MTTP: variants seen among roughly 807,000 people sequenced by gnomAD.
The protein encoded by MTTP is microsomal triglyceride transfer protein, also known as microsomal triglyceride transfer protein large subunit.
MTTP carries 49 observed loss-of-function variants against 90.6 expected under a neutral mutation model. The observed-to-expected ratio is 0.54, with a 90% confidence interval of 0.43 to 0.69. MTTP has a LOEUF of 0.69. Among genes scored for constraint, MTTP ranks in the 30% least tolerant of loss-of-function variants. The pLI is 0.00. For missense variants in MTTP, 945 were observed against 1,067.5 expected, an observed-to-expected ratio of 0.89 and a Z score of 1.60; for synonymous variants, 347 against 384.2, an observed-to-expected ratio of 0.90 and a Z score of 1.13.
At chr4:99,569,786 C>T (rs2866164) in intron 1 of MTTP, among the ~76,000 whole-genome samples, 1 of 151,800 alleles carries the variant, frequency 6.6e-6, no homozygotes, top group South Asian at 2.1e-4. Flanking sequence ...CTGCTGTTTA[C>T]CAGACTGCTT....
chr4:99,578,435 A>G (rs1725020388), intron 1 of MTTP, among the ~76,000 whole-genome samples: 1 of 152,230 alleles, frequency 6.6e-6, no homozygotes. Context: ...ATAAACAGAG[A>G]AATACTTATC....
chr4:99,607,034 A>T, intron 11 of MTTP, 74 bp downstream of exon 11: 1 of 1,297,570 alleles, frequency 7.7e-7, no homozygotes, highest in Non-Finnish European at 1.1e-6. Flanking sequence ...GTCAAATGCA[A>T]ATTCCGCTCA....
intron 3 of MTTP, among the ~76,000 whole-genome samples, chr4:99,588,782 TAC>T (rs1202928322): frequency 8.2e-5 from 4 of 48,732 alleles, no homozygotes; most frequent in African/African-American, 1.4e-4. Context: ...TTCATATATA[TAC>T]ACACATATAT....
intron 15 of MTTP, among the ~76,000 whole-genome samples, chr4:99,614,717 A>G (rs563326769): frequency 6.6e-6 from 1 of 152,336 alleles, no homozygotes; most frequent in Admixed American, 6.5e-5. Context: ...CCAAGATGGA[A>G]GAAGGGAAGG....
chr4:99,597,666 G>A (rs906477362), intron 8 of MTTP, among the ~76,000 whole-genome samples: 5 of 152,162 alleles, frequency 3.3e-5, no homozygotes, highest in African/African-American at 7.2e-5. Context: ...TCACTAAACA[G>A]CCAGTTGAAA....
intron 10 of MTTP, among the ~76,000 whole-genome samples, chr4:99,605,626 A>G (rs989875901): frequency 3.9e-5 from 6 of 152,120 alleles, no homozygotes; most frequent in African/African-American, 1.4e-4. Flanking sequence ...TTTTTCTCAC[A>G]TTATCTTCCA....
At chr4:99,570,656 A>G (rs1026422397), upstream of MTTP, 1 of 455,064 alleles carries the variant, frequency 2.2e-6, no homozygotes, top group Non-Finnish European at 4.4e-6. Context: ...TAAAGTTACC[A>G]ATCCACAGAC....
intron 12 of MTTP, among the ~76,000 whole-genome samples, chr4:99,610,238 T>C (rs1329666128): frequency 6.6e-6 from 1 of 152,184 alleles, no homozygotes; most frequent in Admixed American, 6.5e-5. Context: ...ATTATGTCTT[T>C]GTATAATCTG....
chr4:99,586,156 A>G (rs1725253774), intron 3 of MTTP, among the ~76,000 whole-genome samples: 1 of 152,090 alleles, frequency 6.6e-6, no homozygotes, highest in African/African-American at 2.4e-5. Flanking sequence ...TTACATTTTA[A>G]AAGAGAGTCC....
At position 99,574,941 on chromosome 4, in the gene MTTP, T is replaced by G; in HGVS notation, c.32T>G (p.Phe11Cys). MILLAVLFLC[F>C]ISSYSASVKG... Reference sequence around the variant, plus strand: ...CTTCTTGCTGTGCTTTTTCTCTGCTTCATTTCCTCATATTCAGCTTCTGTT... The same window carrying G: ...CTTCTTGCTGTGCTTTTTCTCTGCTGCATTTCCTCATATTCAGCTTCTGTT... The change falls in exon 1 of 18, where the codon TTC (phenylalanine) becomes TGC (cysteine). Residue 11 changes from phenylalanine (F) to cysteine (C), a missense_variant. By Grantham distance (205) the Phe-to-Cys change is radical. Transcript: ENST00000265517. 1.2e-6 allele frequency: 2 copies of G among 1,614,212 alleles called. No individual in the cohort carries two copies. The highest frequency in any genetic ancestry group is 3.3e-5 in the Admixed American group (2 of 60,020).
Position 99,622,876 on chromosome 4 carries a change from T to A in MTTP, c.*28T>A. ...CTGACCTGTGATATTTTACTTGAAT[T>A]TGTCTCCCCGAAAGGGACACAATGT... On this transcript the variant is annotated 3_prime_UTR_variant, in exon 18 of 18. Coordinates refer to ENST00000265517, the MANE Select transcript of MTTP (RefSeq NM_001386140.1). 1 of 1,609,934 alleles carries A rather than the reference T, an allele frequency of 6.2e-7. No individual in the cohort carries two copies. Among genetic ancestry groups the A allele is most frequent in the Non-Finnish European group, 8.5e-7 (1 of 1,176,230 alleles).
chr4:99,618,870 A>C, intron 15 of MTTP, 104 bp from the exon 16 acceptor site: 1 of 1,466,380 alleles, frequency 6.8e-7, no homozygotes, highest in Non-Finnish European at 9.4e-7. Context: ...AACACAACTC[A>C]AATGGAATTA....
intron 8 of MTTP, among the ~76,000 whole-genome samples, chr4:99,599,923 GT>G (rs1725654039): frequency 6.6e-6 from 1 of 152,114 alleles, no homozygotes; most frequent in South Asian, 2.1e-4. Flanking sequence ...ATTTTTAGAA[GT>G]TTTACCATCC....
chr4:99,582,064 G>T lies in MTTP; in HGVS notation c.221G>T (p.Gly74Val). The T allele has an allele frequency of 1.2e-6, 2 of 1,614,164 alleles. No individual in the cohort carries two copies. The part of the protein sequence containing the change: ...DVALLWRNPD[G>V]DDDQLIQITM... ...GCCTTACTATGGAGGAATCCTGATG[G>T]TGATGATGACCAGTTGATCCAAATA... Residue 74 changes from glycine to valine, a missense_variant, in exon 2 of 18, where the codon GGT (glycine) becomes GTT (valine). Physicochemically the swap from Gly to Val is moderately radical, Grantham distance 109 (BLOSUM62 -3). Coordinates refer to ENST00000265517, the MANE Select transcript of MTTP (RefSeq NM_001386140.1).
chr4:99,574,678 A>T, upstream of MTTP: 1 of 927,018 alleles, frequency 1.1e-6, no homozygotes, highest in Non-Finnish European at 1.6e-6. Context: ...AAAAAATTAA[A>T]AAGAGTGAGA....
chr4:99,585,208 G>A (rs547941545), intron 3 of MTTP, among the ~76,000 whole-genome samples: 1 of 152,248 alleles, frequency 6.6e-6, no homozygotes, highest in Admixed American at 6.5e-5. Flanking sequence ...CACTTACTGT[G>A]TGCTAGGTGC....
chr4:99,566,388 A>G (rs1033385082), intron 1 of MTTP, among the ~76,000 whole-genome samples: 2 of 152,136 alleles, frequency 1.3e-5, no homozygotes, highest in Non-Finnish European at 2.9e-5. Flanking sequence ...ACATCTGAGT[A>G]GAAACAGATT....
rs536619164 is a variant in MTTP at position 99,606,644 on chromosome 4, G to A, written c.1345-104G>A. The A allele has an allele frequency of 3.5e-6, 4 of 1,148,906 alleles. No individual in the cohort carries two copies. The South Asian group carries it at 5.0e-5, about 14-fold the overall frequency. 71.2% of individuals were successfully genotyped at this position (1,148,906 alleles called of 1,614,324 possible). A position where few individuals can be genotyped will look rare whatever the true frequency, so the allele number is the denominator to read the frequency against. ...AGTCAAGCAACCAATGCAAAACTTT[G>A]TAAAACTGTAGGTTGCTTTCTTGGA... On this transcript the variant is annotated intron_variant, in intron 10 of 17. Coordinates refer to ENST00000265517, the MANE Select transcript of MTTP (RefSeq NM_001386140.1).
intron 3 of MTTP, among the ~76,000 whole-genome samples, chr4:99,584,818 C>G (rs1725217672): frequency 6.6e-6 from 1 of 152,112 alleles, no homozygotes; most frequent in Non-Finnish European, 1.5e-5. Context: ...TCCAATTCCT[C>G]TTTGTATTTC....
Sources: allele counts gnomAD v4.1 joint callset (sites outside exome capture counted in the v4.1 genomes callset), GRCh38; gene constraint gnomAD v4.1.1; transcripts MANE v1.5; gene names NCBI Gene and HGNC (gene_info 2026-07-23, HGNC 2026-07-21).